PLPP4: variants seen among roughly 807,000 people sequenced by gnomAD.
The protein encoded by PLPP4 is phospholipid phosphatase 4, also known as diacylglycerol pyrophosphate like 2.
Under a neutral mutation model 32.2 loss-of-function variants are expected in PLPP4, and 20 were observed. The ratio of observed to expected loss-of-function variants is 0.62; its 90% CI spans 0.44 to 0.90. The LOEUF (loss-of-function observed/expected upper bound fraction) is 0.90, where lower values mean the gene tolerates loss of function less well. Ranked by LOEUF, PLPP4 falls within the 40% of genes least tolerant of loss-of-function variation. The probability of loss-of-function intolerance (pLI) is 0.00; values close to 1 mark genes in which losing one functional copy is unlikely to be tolerated. For synonymous variants in PLPP4, 127 were observed against 133.0 expected (o/e 0.95, Z 0.31); for missense variants, 257 against 353.1 (o/e 0.73, Z 2.18).
chr10:120,555,769 A>G (rs1447979548), intron 5 of PLPP4, among the ~76,000 whole-genome samples: 1 of 152,226 alleles, frequency 6.6e-6, no homozygotes, highest in Non-Finnish European at 1.5e-5. Context: ...CATCTCATTC[A>G]TTCACCCAAC....
chr10:120,478,711 C>A lies in PLPP4; in HGVS notation c.56+21350C>A, dbSNP rs1589733015. Among the ~76,000 whole-genome samples, 3 of 152,202 alleles carry A rather than the reference C, an allele frequency of 2.0e-5. No individual in the cohort carries two copies. The East Asian group carries it at 5.8e-4, about 29-fold the overall frequency. ...CCTTTTTCCCTTGGTTTTATGCCTT[C>A]AGCATTTTCCTATGCCAAATATTCT... is the stretch of plus-strand genomic sequence containing the variant. On this transcript the variant is annotated intron_variant, in intron 1 of 6. Transcript: ENST00000398250.
chr10:120,547,771 A>G (rs957061695), intron 5 of PLPP4, among the ~76,000 whole-genome samples: 9 of 152,184 alleles, frequency 5.9e-5, no homozygotes, highest in African/African-American at 1.9e-4. Flanking sequence ...TTTAGTTCAT[A>G]GGCATTGGAA....
intron 5 of PLPP4, among the ~76,000 whole-genome samples, chr10:120,571,992 T>TA (rs1172478394): frequency 6.6e-6 from 1 of 152,028 alleles, no homozygotes; most frequent in Admixed American, 6.6e-5. Context: ...CAGTGAAGTT[T>TA]AAAAAAAATA....
chr10:120,522,893 A>G (rs564363448), intron 5 of PLPP4, among the ~76,000 whole-genome samples: 2 of 152,350 alleles, frequency 1.3e-5, no homozygotes, highest in South Asian at 2.1e-4. Flanking sequence ...ATGCCAAAAA[A>G]GAAAAAGGAA....
Position 120,467,104 on chromosome 10 carries a change from A to G in PLPP4, c.56+9743A>G, listed in dbSNP as rs373787184. The stretch of plus-strand genomic sequence containing the variant: ...TAGGTTTGTTTTTTTTTTGAGACGG[A>G]GTCTTGCTCTGTCGCCCAGGCTGGA... On this transcript the variant is annotated intron_variant, in intron 1 of 6. Coordinates refer to ENST00000398250, the MANE Select transcript of PLPP4 (RefSeq NM_001030059.3). 1.2e-3 allele frequency among the ~76,000 whole-genome samples: 186 copies of G among 150,380 alleles called. 2 individuals are homozygous for G. The South Asian group carries it at 0.026, about 21-fold the overall frequency.
intron 5 of PLPP4, among the ~76,000 whole-genome samples, chr10:120,525,146 T>C (rs1846332451): frequency 6.6e-6 from 1 of 152,198 alleles, no homozygotes; most frequent in Non-Finnish European, 1.5e-5. Context: ...GTCTATGGCC[T>C]CTTTCACTTT....
At chr10:120,463,089 G>A (rs1397758480) in intron 1 of PLPP4, among the ~76,000 whole-genome samples, 3 of 147,324 alleles carry the variant, frequency 2.0e-5, no homozygotes, top group Middle Eastern at 3.6e-3. Context: ...GTGCAATGGT[G>A]CGATCTCGGC....
chr10:120,531,087 CTTTTTTTTTT>C (rs71019773), intron 5 of PLPP4, among the ~76,000 whole-genome samples: 1 of 100,402 alleles, frequency 1.0e-5, no homozygotes, highest in African/African-American at 3.9e-5. Context: ...CTGTCATTTT[CTTTTTTTTTT>C]TTTTTTTTTT....
intron 5 of PLPP4, among the ~76,000 whole-genome samples, chr10:120,549,423 A>G (rs1305325049): frequency 1.3e-5 from 2 of 151,670 alleles, no homozygotes; most frequent in African/African-American, 2.4e-5. Flanking sequence ...GTCTTTAATC[A>G]TACATTTAAG....
chr10:120,541,956 T>C (rs1402284807), intron 5 of PLPP4, among the ~76,000 whole-genome samples: 5 of 152,292 alleles, frequency 3.3e-5, no homozygotes, highest in African/African-American at 1.2e-4. Context: ...TTTTGTATTT[T>C]TAGTAGAAAT....
rs1848406425 is a variant in PLPP4 at position 120,469,106 on chromosome 10, A to T, written c.56+11745A>T. On this transcript the variant is annotated intron_variant, in intron 1 of 6. Transcript: ENST00000398250. ...GAAGATGATTTGGTAGATTGTGAACACACAGAATATTATCTAGTTATTGAA... is the reference window on the plus strand; with the variant it reads ...GAAGATGATTTGGTAGATTGTGAACTCACAGAATATTATCTAGTTATTGAA... Among the ~76,000 whole-genome samples the T allele has an allele frequency of 3.1e-5, 2 of 65,214 alleles. 1 individual carries two copies. Among genetic ancestry groups the T allele is most frequent in the Admixed American group, 4.4e-4 (2 of 4,576 alleles). The allele number at this position is 65,214 out of a possible 152,430, so 42.8% of individuals were successfully genotyped here.
At chr10:120,528,192 C>A (rs547179460) in intron 5 of PLPP4, among the ~76,000 whole-genome samples, 5 of 151,484 alleles carry the variant, frequency 3.3e-5, no homozygotes, top group Admixed American at 2.6e-4. Context: ...CTCCTGCCTC[C>A]GCCTCCCAAG....
At chr10:120,568,650 C>T (rs1257533155) in intron 5 of PLPP4, among the ~76,000 whole-genome samples, 2 of 152,174 alleles carry the variant, frequency 1.3e-5, no homozygotes, top group African/African-American at 2.4e-5. Context: ...CCTGCTCATG[C>T]TCATATCAGC....
intron 1 of PLPP4, among the ~76,000 whole-genome samples, chr10:120,483,261 T>A (rs1564787276): frequency 6.6e-6 from 1 of 152,188 alleles, no homozygotes. Flanking sequence ...AGACTCCTGC[T>A]GATCCACCAC....
At chr10:120,466,652 A>C (rs188704250) in intron 1 of PLPP4, among the ~76,000 whole-genome samples, 42 of 152,272 alleles carry the variant, frequency 2.8e-4, no homozygotes, top group Non-Finnish European at 5.3e-4. Flanking sequence ...GAACTGAATG[A>C]CATTCCCAGT....
At chr10:120,559,212 A>G (rs780016800) in intron 5 of PLPP4, among the ~76,000 whole-genome samples, 4 of 151,638 alleles carry the variant, frequency 2.6e-5, no homozygotes, top group African/African-American at 4.8e-5. Flanking sequence ...TTTCTCATTA[A>G]TTATTAGGGT....
chr10:120,572,172 C>A (rs1399664031), intron 5 of PLPP4, among the ~76,000 whole-genome samples: 5 of 152,166 alleles, frequency 3.3e-5, no homozygotes, highest in Non-Finnish European at 5.9e-5. Flanking sequence ...TGGCTCCCGC[C>A]GTGTGGGAGA....
At position 120,463,019 on chromosome 10, in the gene PLPP4, C is replaced by CT. The variant is rs71019771; in HGVS notation, c.56+5680dup. ...TTGCTCTCTAGAAACAAGTTTCTTT[C>CT]TTTTTTTTTTTTTTTTTTTTTTGAG... On this transcript the variant is annotated intron_variant, in intron 1 of 6. Transcript: ENST00000398250. Among the ~76,000 whole-genome samples, 231 of 89,294 alleles carry CT rather than the reference C, an allele frequency of 2.6e-3. 4 individuals are homozygous for CT. The highest frequency in any genetic ancestry group is 0.026 in the South Asian group (55 of 2,156). The allele number at this position is 89,294 out of a possible 152,430, so 58.6% of individuals were successfully genotyped here.
intron 1 of PLPP4, among the ~76,000 whole-genome samples, chr10:120,495,132 A>G (rs568967090): frequency 6.6e-6 from 1 of 152,266 alleles, no homozygotes; most frequent in Non-Finnish European, 1.5e-5. Context: ...GCTTCAGTGC[A>G]CTCATTTCTA....
Sources: gnomAD v4.1 joint callset for allele counts (sites outside exome capture counted in the v4.1 genomes callset) on GRCh38, gnomAD v4.1.1 for gene constraint, MANE v1.5 for transcripts, NCBI Gene and HGNC (gene_info 2026-07-23, HGNC 2026-07-21) for gene names.